The following MDGA2 variants were observed in gnomAD, a reference collection of about 807,000 sequenced individuals.
The protein encoded by MDGA2 is MAM domain containing glycosylphosphatidylinositol anchor 2.
A neutral mutation model predicts 117.8 loss-of-function variants in MDGA2; 40 were observed. The observed-to-expected ratio is 0.34, with a 90% CI of 0.26 to 0.44. The LOEUF is 0.44. MDGA2 is among the 20% of genes least tolerant of loss of function. The pLI, the probability that MDGA2 is intolerant of heterozygous loss-of-function variation, is 1.00. For missense variants in MDGA2, 1,123 were observed against 1,250.6 expected (o/e 0.90, Z 1.54); for synonymous variants, 452 against 439.0 (o/e 1.03, Z -0.37).
At chr14:47,467,962 C>T (rs1310311736) in intron 1 of MDGA2, among the ~76,000 whole-genome samples, 1 of 152,048 alleles carries the variant, frequency 6.6e-6, no homozygotes, top group Non-Finnish European at 1.5e-5. Context: ...AAATGGGAAA[C>T]ACTGGGTAAG....
intron 1 of MDGA2, among the ~76,000 whole-genome samples, chr14:47,508,839 C>A (rs1228349894): frequency 2.0e-5 from 3 of 151,324 alleles, no homozygotes; most frequent in Admixed American, 6.6e-5. Flanking sequence ...ACCACTATGC[C>A]CGGCTAATTT....
At chr14:47,076,207 G>A (rs912524165) in intron 6 of MDGA2, among the ~76,000 whole-genome samples, 1 of 151,676 alleles carries the variant, frequency 6.6e-6, no homozygotes, top group Non-Finnish European at 1.5e-5. Context: ...TATTTTTTAA[G>A]TTTAATTATA....
At chr14:47,251,900 T>C (rs1887458435) in intron 2 of MDGA2, among the ~76,000 whole-genome samples, 1 of 151,856 alleles carries the variant, frequency 6.6e-6, no homozygotes, top group African/African-American at 2.4e-5. Flanking sequence ...AAGTTAATAG[T>C]ATTTGACTCA....
At chr14:47,516,423 G>A (rs1054007082) in intron 1 of MDGA2, among the ~76,000 whole-genome samples, 4 of 152,106 alleles carry the variant, frequency 2.6e-5, no homozygotes, top group African/African-American at 9.7e-5. Flanking sequence ...CTTAGCGTGT[G>A]GAGCCTTAGA....
intron 1 of MDGA2, among the ~76,000 whole-genome samples, chr14:47,358,448 T>C (rs1314825951): frequency 6.6e-6 from 1 of 152,148 alleles, no homozygotes; most frequent in Non-Finnish European, 1.5e-5. Context: ...TCAAATATAG[T>C]ACTGAAAGTA....
chr14:46,943,009 T>C (rs1885052831), intron 9 of MDGA2, among the ~76,000 whole-genome samples: 1 of 152,084 alleles, frequency 6.6e-6, no homozygotes, highest in Admixed American at 6.6e-5. Flanking sequence ...TCTTGAACTA[T>C]AATTATGGAA....
intron 9 of MDGA2, among the ~76,000 whole-genome samples, chr14:46,947,859 A>AT (rs1220390015): frequency 6.6e-6 from 1 of 151,532 alleles, no homozygotes; most frequent in Non-Finnish European, 1.5e-5. Context: ...CTCAGTTATT[A>AT]TTTTTTTCAT....
intron 1 of MDGA2, among the ~76,000 whole-genome samples, chr14:47,671,650 G>A (rs1404359410): frequency 6.6e-6 from 1 of 152,118 alleles, no homozygotes; most frequent in East Asian, 1.9e-4. Context: ...GCAAATATAA[G>A]CAAATAAAGG....
intron 1 of MDGA2, among the ~76,000 whole-genome samples, chr14:47,440,856 T>C (rs760816878): frequency 1.2e-4 from 19 of 152,232 alleles, no homozygotes; most frequent in South Asian, 8.3e-4. Flanking sequence ...AAAAATTTAC[T>C]TCTCTTACCT....
At chr14:47,603,494 C>T (rs551276459) in intron 1 of MDGA2, among the ~76,000 whole-genome samples, 32 of 152,230 alleles carry the variant, frequency 2.1e-4, no homozygotes, top group Admixed American at 7.9e-4. Context: ...GTCATTCCAC[C>T]GAACTAACAA....
At chr14:47,022,835 T>C (rs2138591722) in intron 8 of MDGA2, among the ~76,000 whole-genome samples, 1 of 152,248 alleles carries the variant, frequency 6.6e-6, no homozygotes, top group Non-Finnish European at 1.5e-5. Flanking sequence ...AAATATGATC[T>C]CACAAAGGGT....
intron 9 of MDGA2, 90 bp downstream of exon 9, chr14:46,957,284 C>G: frequency 7.8e-7 from 1 of 1,289,658 alleles, no homozygotes; most frequent in Non-Finnish European, 1.1e-6. Context: ...CATTGATTTA[C>G]AAATGTTTTC....
At chr14:47,296,036 TG>T (rs1889061292) in intron 2 of MDGA2, among the ~76,000 whole-genome samples, 1 of 151,974 alleles carries the variant, frequency 6.6e-6, no homozygotes, top group Non-Finnish European at 1.5e-5. Flanking sequence ...AACAGTAAGG[TG>T]CAGACTAATG....
At chr14:47,271,449 G>T (rs1266008158) in intron 2 of MDGA2, among the ~76,000 whole-genome samples, 2 of 152,134 alleles carry the variant, frequency 1.3e-5, no homozygotes, top group African/African-American at 4.8e-5. Context: ...TGTGGTTCCA[G>T]GTTCTTTCGC....
At chr14:47,272,191 C>A (rs1431176499) in intron 2 of MDGA2, among the ~76,000 whole-genome samples, 1 of 151,586 alleles carries the variant, frequency 6.6e-6, no homozygotes, top group African/African-American at 2.4e-5. Flanking sequence ...TTCGTTGAGA[C>A]CTAACTACCT....
chr14:47,192,352 A>G (rs1885146113), intron 3 of MDGA2, among the ~76,000 whole-genome samples: 1 of 152,136 alleles, frequency 6.6e-6, no homozygotes, highest in Non-Finnish European at 1.5e-5. Flanking sequence ...GAGGTGACTC[A>G]TGCCTGTCAG....
chr14:47,552,920 C>T lies in MDGA2; in HGVS notation c.280+121597G>A, dbSNP rs530538428. Reference sequence around the variant, plus strand: ...TTCCTTCCCCATGGATTGCTTTTCCCTCAGCTATCTGCTGGCTGGTTCCCT... The same window carrying T: ...TTCCTTCCCCATGGATTGCTTTTCCTTCAGCTATCTGCTGGCTGGTTCCCT... On this transcript the variant is annotated intron_variant, in intron 1 of 16. Transcript: ENST00000399232. 2.4e-4 allele frequency among the ~76,000 whole-genome samples: 37 copies of T among 152,300 alleles called. No homozygotes were observed. The South Asian group carries it at 6.8e-3, about 28-fold the overall frequency.
chr14:47,530,491 G>A (rs1190437413), intron 1 of MDGA2, among the ~76,000 whole-genome samples: 5 of 152,068 alleles, frequency 3.3e-5, no homozygotes, highest in African/African-American at 4.8e-5. Context: ...CTGTACTTCT[G>A]CATACAGATG....
Position 46,918,501 on chromosome 14 carries a change from T to C in MDGA2, c.2238+1511A>G, listed in dbSNP as rs151173282. On this transcript the variant is annotated intron_variant, in intron 10 of 16. Transcript: ENST00000399232. Reference sequence around the variant, plus strand: ...TTTCTATCTTCTCTGTTTAAGAAAATTAGCAAATTAGAATGGGTAGAACGA... The same window carrying C: ...TTTCTATCTTCTCTGTTTAAGAAAACTAGCAAATTAGAATGGGTAGAACGA... Among the ~76,000 whole-genome samples, 811 of 152,270 alleles carry C rather than the reference T, an allele frequency of 5.3e-3. 11 individuals are homozygous for C. The highest frequency in any genetic ancestry group is 0.019 in the African/African-American group (786 of 41,562).
Sources: allele counts gnomAD v4.1 joint callset (sites outside exome capture counted in the v4.1 genomes callset), GRCh38; gene constraint gnomAD v4.1.1; transcripts MANE v1.5; gene names NCBI Gene and HGNC (gene_info 2026-07-23, HGNC 2026-07-21).